Variants in VAPB observed in about 807,000 individuals in gnomAD.
VAPB encodes vesicle-associated membrane protein-associated protein B/C.
In VAPB, 7 loss-of-function variants were observed where a neutral mutation model predicts 25.6. The ratio of observed to expected loss-of-function variants is 0.27; its 90% CI spans 0.16 to 0.51. The LOEUF is 0.51. Among genes scored for constraint, VAPB ranks in the 20% least tolerant of loss-of-function variants. The pLI, the probability that VAPB is intolerant of heterozygous loss-of-function variation, is 0.97. For missense variants in VAPB, 266 were observed against 301.3 expected (o/e 0.88, Z 0.87); for synonymous variants, 112 against 109.2 (o/e 1.03, Z -0.16).
chr20:58,422,535 C>A (rs771245686), intron 2 of VAPB, among the ~76,000 whole-genome samples: 14 of 151,324 alleles, frequency 9.3e-5, no homozygotes, highest in Non-Finnish European at 1.6e-4. Context: ...CTGAACTGTA[C>A]GGTGGGAAAA....
chr20:58,441,080 C>A lies in VAPB; in HGVS notation c.570C>A (p.Phe190Leu). ...VQRLREENKQ[F>L]KEEDGLRMRK... ...GGCTACGGGAGGAGAACAAGCAGTT[C>A]AAGGTAATAGTTTATTTTCTGGTAA... Residue 190 changes from phenylalanine (F) to leucine (L), a missense_variant, in exon 5 of 6, where the codon TTC (phenylalanine) becomes TTA (leucine). This residue lies in a region of VAPB where 136 missense variants were observed against 130.7 expected (regional missense o/e 1.04). Transcript: ENST00000475243. 6.2e-7 allele frequency: 1 copy of A among 1,613,682 alleles called. No individual in the cohort carries two copies. The highest frequency in any genetic ancestry group is 1.1e-5 in the South Asian group (1 of 91,022).
At chr20:58,391,270 T>G (rs1344957292) in intron 1 of VAPB, among the ~76,000 whole-genome samples, 1 of 152,166 alleles carries the variant, frequency 6.6e-6, no homozygotes, top group Non-Finnish European at 1.5e-5. Context: ...CTCTCCTATT[T>G]TCCCTCAACC....
chr20:58,450,135 C>G lies in VAPB; in HGVS notation c.*5900C>G, dbSNP rs764516591. 11 of 454,010 alleles carry G rather than the reference C, an allele frequency of 2.4e-5. No homozygotes were observed. Among genetic ancestry groups the G allele is most frequent in the South Asian group, 1.7e-4 (11 of 64,480 alleles). 28.1% of individuals were successfully genotyped at this position (454,010 alleles called of 1,614,324 possible). Reference sequence around the variant, plus strand: ...AGTCCTGGCTGTTTCTCCGAACTGGCTGCCTGCATTCCCGTCTTTCTTTTG... The same window carrying G: ...AGTCCTGGCTGTTTCTCCGAACTGGGTGCCTGCATTCCCGTCTTTCTTTTG... On this transcript the variant is annotated 3_prime_UTR_variant, in exon 6 of 6. Transcript: ENST00000475243.
Position 58,449,334 on chromosome 20 carries a change from T to C in VAPB, c.*5099T>C, listed in dbSNP as rs1989377973. 1 of 449,902 alleles carries C rather than the reference T, an allele frequency of 2.2e-6. No homozygotes were observed. Among genetic ancestry groups the C allele is most frequent in the Non-Finnish European group, 4.4e-6 (1 of 225,846 alleles). The allele number at this position is 449,902 out of a possible 1,614,324, so 27.9% of individuals were successfully genotyped here. A position where few individuals can be genotyped will look rare whatever the true frequency, so the allele number is the denominator to read the frequency against. On this transcript the variant is annotated 3_prime_UTR_variant, in exon 6 of 6. Transcript: ENST00000475243. Reference sequence around the variant, plus strand: ...TTTTTATTTTCATTACAGAGATATTTTGAAAAATTTAAAAGACATGAACTC... The same window carrying C: ...TTTTTATTTTCATTACAGAGATATTCTGAAAAATTTAAAAGACATGAACTC...
Position 58,444,831 on chromosome 20 carries a change from C to T in VAPB, c.*596C>T, listed in dbSNP as rs118055109. ...TGAGAGGCGTGTGTTGACTGATTGA[C>T]CCAGCGCTTTGGAAATAAATGGCAG... On this transcript the variant is annotated 3_prime_UTR_variant, in exon 6 of 6. Coordinates refer to ENST00000475243, the MANE Select transcript of VAPB (RefSeq NM_004738.5). 197 of 454,592 alleles carry T rather than the reference C, an allele frequency of 4.3e-4. No individual in the cohort carries two copies. The East Asian group carries it at 0.012, about 29-fold the overall frequency. 28.2% of individuals were successfully genotyped at this position (454,592 alleles called of 1,614,324 possible). A position where few individuals can be genotyped will look rare whatever the true frequency, so the allele number is the denominator to read the frequency against.
At chr20:58,396,497 AC>A (rs1369462378) in intron 1 of VAPB, among the ~76,000 whole-genome samples, 3 of 152,206 alleles carry the variant, frequency 2.0e-5, no homozygotes, top group Non-Finnish European at 4.4e-5. Flanking sequence ...TAGACCATTT[AC>A]CTAGATTTAA....
In VAPB at chr20:58,449,024, AGG is replaced by A. The variant is rs1215348722; in HGVS notation, c.*4790_*4791del. On this transcript the variant is annotated 3_prime_UTR_variant, in exon 6 of 6. Coordinates refer to ENST00000475243, the MANE Select transcript of VAPB (RefSeq NM_004738.5). Reference sequence around the variant, plus strand: ...AAAACAGCTGAGCTGCTGATGTCTCAGGCCTTTCCCTGAATTAGCACTGCGGT... The same window carrying A: ...AAAACAGCTGAGCTGCTGATGTCTCACCTTTCCCTGAATTAGCACTGCGGT... The A allele has an allele frequency of 2.2e-6, 1 of 454,146 alleles. No homozygotes were observed. The highest frequency in any genetic ancestry group is 4.4e-6 in the Non-Finnish European group (1 of 226,794). 28.1% of individuals were successfully genotyped at this position (454,146 alleles called of 1,614,324 possible).
intron 1 of VAPB, among the ~76,000 whole-genome samples, chr20:58,404,305 C>T (rs1176471998): frequency 6.6e-6 from 1 of 152,144 alleles, no homozygotes; most frequent in African/African-American, 2.4e-5. Flanking sequence ...TTCTTTCACC[C>T]CTCTCGTACC....
intron 2 of VAPB, among the ~76,000 whole-genome samples, chr20:58,420,797 A>G (rs1270578382): frequency 6.6e-6 from 1 of 152,214 alleles, no homozygotes; most frequent in Admixed American, 6.5e-5. Context: ...CATTTCTAGG[A>G]CAGCCTTGCA....
At chr20:58,423,802 C>G (rs1337876676) in intron 2 of VAPB, among the ~76,000 whole-genome samples, 1 of 152,152 alleles carries the variant, frequency 6.6e-6, no homozygotes, top group African/African-American at 2.4e-5. Flanking sequence ...TAAGTGGTTT[C>G]CATGAACCAG....
intron 1 of VAPB, among the ~76,000 whole-genome samples, chr20:58,396,831 G>A (rs1035573687): frequency 6.6e-6 from 1 of 152,224 alleles, no homozygotes; most frequent in East Asian, 1.9e-4. Context: ...CCATATTTAT[G>A]TTACTGTTTA....
At chr20:58,418,150 TC>T (rs1988587639) in intron 1 of VAPB, 60 bp from the exon 2 acceptor site, 1 of 1,608,974 alleles carries the variant, frequency 6.2e-7, no homozygotes, top group African/African-American at 1.3e-5. Context: ...AGCTCTCTTT[TC>T]CACAAACCTT....
rs1182831721 is a variant in VAPB at position 58,444,645 on chromosome 20, C to T, written c.*410C>T. On this transcript the variant is annotated 3_prime_UTR_variant, in exon 6 of 6. Coordinates refer to ENST00000475243, the MANE Select transcript of VAPB (RefSeq NM_004738.5). ...CTGGAGCCCAGCATGCTGGGGAGTG[C>T]GGTCAGCTCCACACAGTAGTCCCCA... The T allele has an allele frequency of 2.9e-5, 13 of 454,720 alleles. No homozygotes were observed. Among genetic ancestry groups the T allele is most frequent in the African/African-American group, 4.0e-5 (2 of 50,050 alleles). The allele number at this position is 454,720 out of a possible 1,614,324, so 28.2% of individuals were successfully genotyped here. A position where few individuals can be genotyped will look rare whatever the true frequency, so the allele number is the denominator to read the frequency against.
intron 1 of VAPB, among the ~76,000 whole-genome samples, chr20:58,405,086 A>T (rs1438561728): frequency 2.6e-5 from 4 of 152,222 alleles, no homozygotes; most frequent in Non-Finnish European, 5.9e-5. Flanking sequence ...ACAATGCAAG[A>T]TAAAGGGATT....
chr20:58,437,276 ACTT>A (rs961941491), intron 3 of VAPB, among the ~76,000 whole-genome samples: 3 of 150,732 alleles, frequency 2.0e-5, no homozygotes, highest in African/African-American at 4.9e-5. Flanking sequence ...CAAACTTTGA[ACTT>A]CTTTTTTTTT....
In VAPB at chr20:58,449,076, C is replaced by T. The variant is rs756321858; in HGVS notation, c.*4841C>T. ...TTCTCCAGGATATCAGCAAAGAGGGCAAGTAATAGAAGCCCCTGATAAGGA... is the reference window on the plus strand; with the variant it reads ...TTCTCCAGGATATCAGCAAAGAGGGTAAGTAATAGAAGCCCCTGATAAGGA... On this transcript the variant is annotated 3_prime_UTR_variant, in exon 6 of 6. Transcript: ENST00000475243. The T allele has an allele frequency of 4.2e-5, 19 of 453,980 alleles. No homozygotes were observed. Among genetic ancestry groups the T allele is most frequent in the South Asian group, 2.9e-4 (19 of 64,482 alleles). 28.1% of individuals were successfully genotyped at this position (453,980 alleles called of 1,614,324 possible).
At chr20:58,396,450 C>T (rs1461723595) in intron 1 of VAPB, among the ~76,000 whole-genome samples, 3 of 152,192 alleles carry the variant, frequency 2.0e-5, no homozygotes, top group Non-Finnish European at 4.4e-5. Flanking sequence ...TGTTTTTCAT[C>T]TTTTAGCTTG....
Position 58,445,511 on chromosome 20 carries a change from A to C in VAPB, c.*1276A>C, listed in dbSNP as rs1286468125. 2.2e-6 allele frequency: 1 copy of C among 454,478 alleles called. No individual in the cohort carries two copies. The highest frequency in any genetic ancestry group is 4.4e-6 in the Non-Finnish European group (1 of 226,768). The allele number at this position is 454,478 out of a possible 1,614,324, so 28.2% of individuals were successfully genotyped here. ...ACCCAGTTCTGTTTGACTATGTAGC[A>C]TCTTGAAAAGAAAAATTATAATAAA... On this transcript the variant is annotated 3_prime_UTR_variant, in exon 6 of 6. Transcript: ENST00000475243.
At chr20:58,395,227 C>T (rs772757405) in intron 1 of VAPB, among the ~76,000 whole-genome samples, 21 of 149,814 alleles carry the variant, frequency 1.4e-4, no homozygotes, top group Non-Finnish European at 2.7e-4. Context: ...TCTCGGCTCA[C>T]TGCAACCTCC....
Sources: gnomAD v4.1 joint callset for allele counts (sites outside exome capture counted in the v4.1 genomes callset) on GRCh38, gnomAD v4.1.1 for gene constraint, gnomAD v4.1.1 regional missense constraint, MANE v1.5 for transcripts, NCBI Gene and HGNC (gene_info 2026-07-23, HGNC 2026-07-21) for gene names.